Variants in SEC61A2 observed in about 807,000 individuals in gnomAD.
SEC61A2 encodes the protein SEC61 translocon subunit alpha 2.
In SEC61A2, 28 loss-of-function variants were observed where a neutral mutation model predicts 59.9. The observed-to-expected ratio is 0.47, with a 90% CI of 0.35 to 0.64. The LOEUF (loss-of-function observed/expected upper bound fraction) is 0.64, where lower values mean the gene tolerates loss of function less well. Among genes scored for constraint, SEC61A2 ranks in the 30% least tolerant of loss-of-function variants. SEC61A2 has a pLI of 0.01. For missense variants in SEC61A2, 340 were observed against 585.9 expected (o/e 0.58, Z 4.33); for synonymous variants, 202 against 214.4 (o/e 0.94, Z 0.50).
In SEC61A2 at chr10:12,164,734, AGTGAGACG is replaced by A. The variant is rs1834624542; in HGVS notation, c.*287_*294del. On this transcript the variant is annotated 3_prime_UTR_variant, in exon 12 of 12. Transcript: ENST00000298428. This position sits in a 1 kb window ranked among gnomAD's most constrained non-coding sequence, Gnocchi z 7.3. ...CTACCTTGCTGTGTTAAATCATGAC[AGTGAGACG>A]GTGAGATGGATTCGTTTTGCACACA... The A allele has an allele frequency of 8.4e-7, 1 of 1,186,780 alleles. No homozygotes were observed. Among genetic ancestry groups the A allele is most frequent in the Admixed American group, 4.7e-5 (1 of 21,216 alleles). 73.5% of individuals were successfully genotyped at this position (1,186,780 alleles called of 1,614,324 possible).
At chr10:12,167,026 C>A, downstream of SEC61A2, 1 of 195,788 alleles carries the variant, frequency 5.1e-6, no homozygotes. Flanking sequence ...AAAAGAGATC[C>A]TCAAGCACGT....
intron 6 of SEC61A2, 107 bp downstream of exon 6, chr10:12,150,068 ATTAT>A: frequency 1.3e-6 from 1 of 755,842 alleles, no homozygotes; most frequent in Admixed American, 2.9e-5. Context: ...TTACTTTTGA[ATTAT>A]TTAATTCTAG....
intron 3 of SEC61A2, among the ~76,000 whole-genome samples, chr10:12,138,828 T>C (rs1013524308): frequency 6.6e-6 from 1 of 152,258 alleles, no homozygotes; most frequent in African/African-American, 2.4e-5. Context: ...TGAACATTCA[T>C]GTATAAGTCT....
chr10:12,135,617 C>T (rs146780192), intron 2 of SEC61A2, among the ~76,000 whole-genome samples: 143 of 152,262 alleles, frequency 9.4e-4, no homozygotes, highest in African/African-American at 3.2e-3. Context: ...TTCCTGCCAC[C>T]CCTGTACCCT....
In SEC61A2 at chr10:12,165,041, T is replaced by C. The variant is rs1053408; in HGVS notation, c.*587T>C. ...TTCTGCCACAACTGCTTCTAAGGCCTCCTCCTTCTCCTCCTCCTCTTCCTC... is the reference window on the plus strand; with the variant it reads ...TTCTGCCACAACTGCTTCTAAGGCCCCCTCCTTCTCCTCCTCCTCTTCCTC... On this transcript the variant is annotated 3_prime_UTR_variant, in exon 12 of 12. Coordinates refer to ENST00000298428, the MANE Select transcript of SEC61A2 (RefSeq NM_018144.4). The C allele has an allele frequency of 1.0e-6, 1 of 984,424 alleles. No homozygotes were observed. The highest frequency in any genetic ancestry group is 1.2e-6 in the Non-Finnish European group (1 of 830,286). 61.0% of individuals were successfully genotyped at this position (984,424 alleles called of 1,614,324 possible).
At position 12,164,199 on chromosome 10, in the gene SEC61A2, G is replaced by A; in HGVS notation, c.1245-69G>A. On this transcript the variant is annotated intron_variant, in intron 11 of 11. Transcript: ENST00000298428. This position sits in a 1 kb window ranked among gnomAD's most constrained non-coding sequence, Gnocchi z 7.3. The stretch of plus-strand genomic sequence containing the variant: ...AGCTATGGCTGCTGCGCCTCGACCT[G>A]TCTTCGTCTCTAGCTGCCGTGCTGT... 6.4e-7 allele frequency: 1 copy of A among 1,573,416 alleles called. No individual in the cohort carries two copies. Among genetic ancestry groups the A allele is most frequent in the South Asian group, 1.2e-5 (1 of 86,940 alleles).
In SEC61A2 at chr10:12,154,054, G is replaced by A. The variant is rs1472154530; in HGVS notation, c.463-1724G>A. On this transcript the variant is annotated intron_variant, in intron 6 of 11. Transcript: ENST00000298428. This position sits in a 1 kb window ranked among gnomAD's most constrained non-coding sequence, Gnocchi z 5.2. ...CAAAACTAAGTTGTGTGTAGGTGTC[G>A]TGCAGGGTTAAAATGTTAAGTGCCA... Among the ~76,000 whole-genome samples the A allele has an allele frequency of 2.6e-5, 4 of 152,096 alleles. No individual in the cohort carries two copies. The highest frequency in any genetic ancestry group is 4.4e-5 in the Non-Finnish European group (3 of 68,024).
Position 12,156,958 on chromosome 10 carries a change from G to A in SEC61A2, c.668G>A (p.Arg223Lys), listed in dbSNP as rs1834411916. 2.5e-6 allele frequency: 4 copies of A among 1,614,016 alleles called. No individual in the cohort carries two copies. Among genetic ancestry groups the A allele is most frequent in the Non-Finnish European group, 2.5e-6 (3 of 1,179,912 alleles). ...VIALFHLLATRTDKVRALREA... is the reference protein window; with the variant it reads ...VIALFHLLATKTDKVRALREA... ...GCTCTGTTCCATTTGTTGGCCACCA[G>A]GACGGACAAAGTCCGAGCTTTACGG... The change falls in exon 8 of 12, where the codon AGG (arginine) becomes AAG (lysine). Residue 223 changes from arginine to lysine, a missense_variant. Around this residue, in one of 3 missense-constraint regions of SEC61A2, gnomAD observed 283 missense variants for 483.2 expected, o/e 0.59. Transcript: ENST00000298428. The surrounding 1 kb of genome is among the most constrained non-coding windows in gnomAD (Gnocchi z 5.2).
downstream of SEC61A2, among the ~76,000 whole-genome samples, chr10:12,168,546 C>T (rs552398415): frequency 3.3e-5 from 5 of 152,240 alleles, no homozygotes; most frequent in South Asian, 2.1e-4. The surrounding 1 kb of genome is among the most constrained non-coding windows in gnomAD (Gnocchi z 4.8). Context: ...ACCAAGAATG[C>T]GGTCTCAGGA....
chr10:12,160,534 A>G lies in SEC61A2; in HGVS notation c.976-396A>G, dbSNP rs1280206528. Among the ~76,000 whole-genome samples, 1 of 152,234 alleles carries G rather than the reference A, an allele frequency of 6.6e-6. No individual in the cohort carries two copies. Among genetic ancestry groups the G allele is most frequent in the East Asian group, 1.9e-4 (1 of 5,200 alleles). Reference sequence around the variant, plus strand: ...TGTCAGTATTTTAGTTGATTGCATTAATATTTTCATATGGAAGGATCATTC... The same window carrying G: ...TGTCAGTATTTTAGTTGATTGCATTGATATTTTCATATGGAAGGATCATTC... On this transcript the variant is annotated intron_variant, in intron 9 of 11. Coordinates refer to ENST00000298428, the MANE Select transcript of SEC61A2 (RefSeq NM_018144.4). This position sits in a 1 kb window ranked among gnomAD's most constrained non-coding sequence, Gnocchi z 4.1.
intron 4 of SEC61A2, among the ~76,000 whole-genome samples, chr10:12,144,953 G>GT (rs1013513679): frequency 2.0e-5 from 3 of 152,098 alleles, no homozygotes; most frequent in Admixed American, 1.3e-4. Flanking sequence ...GGAGGCTGAG[G>GT]TGGGAGGATG....
Position 12,155,131 on chromosome 10 carries a change from T to C in SEC61A2, c.463-647T>C, listed in dbSNP as rs1834366512. On this transcript the variant is annotated intron_variant, in intron 6 of 11. Coordinates refer to ENST00000298428, the MANE Select transcript of SEC61A2 (RefSeq NM_018144.4). The surrounding 1 kb of genome is among the most constrained non-coding windows in gnomAD (Gnocchi z 4.3). ...TATGCTTTCATTTTTAAAAACAATA[T>C]GAGCTTAACCTTAACCGTCTTCAAA... Among the ~76,000 whole-genome samples the C allele has an allele frequency of 6.6e-6, 1 of 152,232 alleles. No homozygotes were observed.
rs1159151464 is a variant in SEC61A2 at position 12,158,981 on chromosome 10, CTTTTTTT to C, written c.975+884_975+890del. On this transcript the variant is annotated intron_variant, in intron 9 of 11. Coordinates refer to ENST00000298428, the MANE Select transcript of SEC61A2 (RefSeq NM_018144.4). The surrounding 1 kb of genome is among the most constrained non-coding windows in gnomAD (Gnocchi z 5.7). ...ACATCCCCCATCATAATTTTTTTTT[CTTTTTTT>C]TTTTTTTGAGACGGAGTCTCGCTGT... Among the ~76,000 whole-genome samples, 17 of 140,178 alleles carry C rather than the reference CTTTTTTT, an allele frequency of 1.2e-4. No homozygotes were observed. The highest frequency in any genetic ancestry group is 4.5e-4 in the African/African-American group (17 of 38,052). 92.0% of individuals were successfully genotyped at this position (140,178 alleles called of 152,430 possible).
intron 3 of SEC61A2, among the ~76,000 whole-genome samples, chr10:12,136,744 C>T (rs146938804): frequency 3.3e-5 from 5 of 152,318 alleles, no homozygotes; most frequent in African/African-American, 1.2e-4. Flanking sequence ...ATTCTCCTGC[C>T]TCAGCCTCCC....
Position 12,152,120 on chromosome 10 carries a change from G to A in SEC61A2, c.462+2159G>A, listed in dbSNP as rs374252853. 2.5e-4 allele frequency among the ~76,000 whole-genome samples: 38 copies of A among 149,534 alleles called. No homozygotes were observed. The highest frequency in any genetic ancestry group is 9.1e-4 in the African/African-American group (37 of 40,520). ...TTTTTTCGAGACGGAGTCCTGCTCT[G>A]TCTCCCAGACTAAAGTGCAGTGGTG... On this transcript the variant is annotated intron_variant, in intron 6 of 11. Coordinates refer to ENST00000298428, the MANE Select transcript of SEC61A2 (RefSeq NM_018144.4). The surrounding 1 kb of genome is among the most constrained non-coding windows in gnomAD (Gnocchi z 5.5).
intron 1 of SEC61A2, among the ~76,000 whole-genome samples, chr10:12,130,544 CAG>C (rs757872834): frequency 7.9e-5 from 12 of 152,076 alleles, no homozygotes; most frequent in Non-Finnish European, 1.5e-4. Context: ...CAAGGATAGA[CAG>C]GGGGCAGCCA....
At chr10:12,139,420 C>T (rs956336626) in intron 3 of SEC61A2, among the ~76,000 whole-genome samples, 3 of 151,506 alleles carry the variant, frequency 2.0e-5, no homozygotes, top group African/African-American at 2.4e-5. Context: ...GAGGCTGAGG[C>T]GGGTGAATCA....
At chr10:12,150,060 A>T in intron 6 of SEC61A2, 99 bp downstream of exon 6, 1 of 794,108 alleles carries the variant, frequency 1.3e-6, no homozygotes, top group East Asian at 2.6e-5. Context: ...TCATTTTCTT[A>T]CTTTTGAATT....
intron 11 of SEC61A2, among the ~76,000 whole-genome samples, chr10:12,163,803 C>G (rs116184064): frequency 1.3e-5 from 2 of 152,288 alleles, no homozygotes; most frequent in African/African-American, 2.4e-5. Context: ...ATCACTGCCT[C>G]TAATCTTTTT....
Sources: allele counts gnomAD v4.1 joint callset (sites outside exome capture counted in the v4.1 genomes callset), GRCh38; gene constraint gnomAD v4.1.1; regional missense constraint gnomAD v4.1.1; non-coding constraint Gnocchi (gnomAD v3.1); transcripts MANE v1.5; gene names NCBI Gene and HGNC (gene_info 2026-07-23, HGNC 2026-07-21).